The following MYO3B variants were observed in gnomAD, a reference collection of about 807,000 sequenced individuals.
MYO3B encodes the protein myosin-IIIb.
In MYO3B, 156 loss-of-function variants were observed where a neutral mutation model predicts 174.6. The ratio of observed to expected loss-of-function variants is 0.89; its 90% CI spans 0.78 to 1.02. MYO3B has a LOEUF of 1.02. Among genes scored for constraint, MYO3B ranks in the 50% least tolerant of loss-of-function variants. The pLI is 0.00. For synonymous variants in MYO3B, 563 were observed against 569.1 expected, an observed-to-expected ratio of 0.99 and a Z score of 0.15; for missense variants, 1,632 against 1,639.4, an observed-to-expected ratio of 1.00 and a Z score of 0.08.
intron 32 of MYO3B, among the ~76,000 whole-genome samples, chr2:170,567,402 A>G (rs569279664): frequency 6.6e-6 from 1 of 152,294 alleles, no homozygotes; most frequent in East Asian, 1.9e-4. Context: ...ATGCTAGTGA[A>G]GGGTAGGGGA....
At chr2:170,330,984 T>G (rs2093907847) in intron 7 of MYO3B, among the ~76,000 whole-genome samples, 1 of 152,180 alleles carries the variant, frequency 6.6e-6, no homozygotes, top group Admixed American at 6.5e-5. Flanking sequence ...TTCAAAAAAT[T>G]TACCGAGTAT....
intron 8 of MYO3B, among the ~76,000 whole-genome samples, chr2:170,368,031 G>A (rs1007266764): frequency 4.9e-4 from 74 of 152,298 alleles, no homozygotes; most frequent in African/African-American, 1.7e-3. Context: ...AGGACTAGAA[G>A]GTAAGGGATA....
rs539010938 is a variant in MYO3B, at chr2:170,474,575, T to TA, written c.3014+7876dup. 1.7e-3 allele frequency among the ~76,000 whole-genome samples: 241 copies of TA among 143,934 alleles called. 1 individual carries two copies. Among genetic ancestry groups the TA allele is most frequent in the African/African-American group, 4.6e-3 (182 of 39,158 alleles). 94.4% of individuals were successfully genotyped at this position (143,934 alleles called of 152,430 possible). The stretch of plus-strand genomic sequence containing the variant: ...AACATGGAGAAACCCTGTCTCTACT[T>TA]AAAAAAAAAAAATAATAATAAGCCA... On this transcript the variant is annotated intron_variant, in intron 25 of 34. Coordinates refer to ENST00000408978, the MANE Select transcript of MYO3B (RefSeq NM_138995.5).
intron 22 of MYO3B, among the ~76,000 whole-genome samples, chr2:170,434,626 C>G (rs895117155): frequency 4.6e-5 from 7 of 152,084 alleles, no homozygotes; most frequent in African/African-American, 1.4e-4. Context: ...TAGGGTGGAG[C>G]AGGTGATCAG....
chr2:170,416,320 C>T (rs1324723879), intron 22 of MYO3B, among the ~76,000 whole-genome samples: 1 of 151,938 alleles, frequency 6.6e-6, no homozygotes, highest in African/African-American at 2.4e-5. Flanking sequence ...GTCAGGAGTT[C>T]AAGACCAGCC....
At chr2:170,494,732 AAAAAAAAAAAAAAAAAGAAGAAG>A (rs1286676863) in intron 25 of MYO3B, among the ~76,000 whole-genome samples, 2 of 150,560 alleles carry the variant, frequency 1.3e-5, no homozygotes, top group Non-Finnish European at 3.0e-5. Context: ...CGTCTCAAAA[AAAAAAAAAAAAAAAAAGAAGAAG>A]AAAAAAAAGA....
chr2:170,372,793 C>A (rs982701855), intron 9 of MYO3B, among the ~76,000 whole-genome samples: 1 of 152,162 alleles, frequency 6.6e-6, no homozygotes, highest in African/African-American at 2.4e-5. Context: ...GATCCTTGAA[C>A]TGCCCTGAAG....
intron 32 of MYO3B, chr2:170,601,950 A>T: frequency 1.2e-6 from 1 of 834,724 alleles, no homozygotes; most frequent in Non-Finnish European, 2.0e-6. Context: ...TCTTGGGTGC[A>T]TTGGAATCCT....
At chr2:170,187,588 T>C (rs1203580687) in intron 1 of MYO3B, among the ~76,000 whole-genome samples, 1 of 152,334 alleles carries the variant, frequency 6.6e-6, no homozygotes, top group East Asian at 1.9e-4. Context: ...TTCTACTTTT[T>C]TGTATGTAGG....
chr2:170,296,572 A>T (rs3845737), intron 7 of MYO3B, among the ~76,000 whole-genome samples: 74,931 of 152,098 alleles, frequency 0.49, 19,372 homozygotes, highest in East Asian at 0.68. Context: ...GAATCTTGCA[A>T]TGGGGAGGTA....
At chr2:170,336,854 T>G (rs2093950299) in intron 8 of MYO3B, among the ~76,000 whole-genome samples, 3 of 152,096 alleles carry the variant, frequency 2.0e-5, no homozygotes, top group Non-Finnish European at 4.4e-5. Context: ...TAGTTCAGGG[T>G]CCCTGAATTT....
chr2:170,304,754 A>G (rs2093689473), intron 7 of MYO3B, among the ~76,000 whole-genome samples: 2 of 152,046 alleles, frequency 1.3e-5, no homozygotes, highest in Admixed American at 1.3e-4. Flanking sequence ...GACATGAGCC[A>G]TCGCATCCGG....
rs536016219 is a variant in MYO3B, at chr2:170,460,048, C to T, written c.2731-3320C>T. Among the ~76,000 whole-genome samples, 8 of 152,194 alleles carry T rather than the reference C, an allele frequency of 5.3e-5. No individual in the cohort carries two copies. In the East Asian group the frequency reaches 7.8e-4, roughly 15 times the overall value. On this transcript the variant is annotated intron_variant, in intron 23 of 34. Transcript: ENST00000408978. ...AAGCAGAAGGAGCCAGCTCCGCCCT[C>T]GGCCAGCCCAGAGAGGGGCTCCCAC...
In MYO3B at chr2:170,212,126, C is replaced by T. The variant is rs969905996; in HGVS notation, c.322-2253C>T. Among the ~76,000 whole-genome samples, 11 of 152,090 alleles carry T rather than the reference C, an allele frequency of 7.2e-5. No homozygotes were observed. The South Asian group carries it at 8.3e-4, about 12-fold the overall frequency. On this transcript the variant is annotated intron_variant, in intron 3 of 34. Transcript: ENST00000408978. ...GGTGTGGTGGCGCATACCTGTAATC[C>T]CAGCTACTCTGGAGGCTGAGGCAGG...
chr2:170,531,134 C>A (rs549422696), intron 30 of MYO3B, among the ~76,000 whole-genome samples: 21 of 152,274 alleles, frequency 1.4e-4, no homozygotes, highest in African/African-American at 5.1e-4. Flanking sequence ...GCTTTCCTTA[C>A]AGGATTTCAG....
intron 9 of MYO3B, among the ~76,000 whole-genome samples, chr2:170,380,289 T>G (rs2094325822): frequency 6.6e-6 from 1 of 152,164 alleles, no homozygotes; most frequent in Non-Finnish European, 1.5e-5. Context: ...TGTGTAGTTA[T>G]GCAAATTGTT....
intron 7 of MYO3B, among the ~76,000 whole-genome samples, chr2:170,276,144 G>T (rs2093462492): frequency 2.0e-5 from 3 of 152,132 alleles, no homozygotes; most frequent in Non-Finnish European, 2.9e-5. Context: ...CAAAGAGCTG[G>T]TATCAATTTC....
chr2:170,610,833 T>G (rs541934860), intron 32 of MYO3B, among the ~76,000 whole-genome samples: 3 of 152,354 alleles, frequency 2.0e-5, no homozygotes, highest in Admixed American at 2.0e-4. Context: ...TTGTTTATTT[T>G]GATGTGAGAT....
At chr2:170,462,411 C>G (rs1181946374) in intron 23 of MYO3B, among the ~76,000 whole-genome samples, 6 of 152,228 alleles carry the variant, frequency 3.9e-5, no homozygotes, top group African/African-American at 1.2e-4. Flanking sequence ...ATTTTGCATA[C>G]AGTCTCCCAC....
Sources: gnomAD v4.1 joint callset for allele counts (sites outside exome capture counted in the v4.1 genomes callset) on GRCh38, gnomAD v4.1.1 for gene constraint, MANE v1.5 for transcripts, NCBI Gene and HGNC (gene_info 2026-07-23, HGNC 2026-07-21) for gene names.